SLC6A5: variants seen among roughly 807,000 people sequenced by gnomAD.
SLC6A5 encodes sodium- and chloride-dependent glycine transporter 2.
In SLC6A5, 58 loss-of-function variants were observed where a neutral mutation model predicts 90.5. The observed-to-expected ratio is 0.64, with a 90% CI of 0.52 to 0.80. The LOEUF (loss-of-function observed/expected upper bound fraction) is 0.80. Ranked by LOEUF, SLC6A5 falls within the 30% of genes least tolerant of loss-of-function variation. SLC6A5 has a pLI of 0.00. For missense variants in SLC6A5, 1,015 were observed against 1,017.6 expected (o/e 1.00, Z 0.03); for synonymous variants, 427 against 401.4 (o/e 1.06, Z -0.76).
intron 3 of SLC6A5, among the ~76,000 whole-genome samples, chr11:20,606,150 A>G (rs1166583866): frequency 6.6e-6 from 1 of 152,196 alleles, no homozygotes; most frequent in Non-Finnish European, 1.5e-5. Context: ...TCCCTCCCAA[A>G]CAACCTCAAA....
At chr11:20,615,185 A>C (rs1852762064) in intron 6 of SLC6A5, among the ~76,000 whole-genome samples, 1 of 152,140 alleles carries the variant, frequency 6.6e-6, no homozygotes, top group Non-Finnish European at 1.5e-5. Flanking sequence ...TCATGTTCAG[A>C]GCTTTAGTGT....
rs182646888 is a variant in SLC6A5, at chr11:20,615,577, C to T, written c.1127+757C>T. On this transcript the variant is annotated intron_variant, in intron 6 of 15. Coordinates refer to ENST00000525748, the MANE Select transcript of SLC6A5 (RefSeq NM_004211.5). Reference sequence around the variant, plus strand: ...AGAGACGGGGTTTCACCGTGTTAGCCAGGATGGCCTCGATATCCTGACCTT... The same window carrying T: ...AGAGACGGGGTTTCACCGTGTTAGCTAGGATGGCCTCGATATCCTGACCTT... 4.8e-3 allele frequency among the ~76,000 whole-genome samples: 734 copies of T among 152,240 alleles called. 4 individuals carry two copies. Among genetic ancestry groups the T allele is most frequent in the African/African-American group, 0.017 (690 of 41,530 alleles).
chr11:20,643,485 G>A (rs1853353030), intron 13 of SLC6A5, among the ~76,000 whole-genome samples: 1 of 152,176 alleles, frequency 6.6e-6, no homozygotes, highest in Non-Finnish European at 1.5e-5. Flanking sequence ...GAGTGTCCTT[G>A]CGTCATGGAT....
intron 7 of SLC6A5, 100 bp downstream of exon 7, chr11:20,617,984 A>G: frequency 2.4e-6 from 3 of 1,237,898 alleles, no homozygotes; most frequent in South Asian, 1.2e-5. Flanking sequence ...GGAGCTGTGG[A>G]TGCTAATTCT....
intron 5 of SLC6A5, among the ~76,000 whole-genome samples, chr11:20,608,958 C>CTCTCTCTCTCTGTG (rs368771053): frequency 2.7e-5 from 3 of 110,860 alleles, no homozygotes; most frequent in African/African-American, 9.4e-5. Flanking sequence ...CTCTCTCTCT[C>CTCTCTCTCTCTGTG]TGTGTGTGTG....
intron 14 of SLC6A5, among the ~76,000 whole-genome samples, chr11:20,647,873 A>G (rs1171344843): frequency 6.6e-6 from 1 of 152,164 alleles, no homozygotes; most frequent in Non-Finnish European, 1.5e-5. Flanking sequence ...GCTAATTTTC[A>G]TTGCTTTTGA....
chr11:20,604,517 G>A (rs1474172456), intron 3 of SLC6A5, 93 bp downstream of exon 3: 7 of 1,513,564 alleles, frequency 4.6e-6, no homozygotes, highest in African/African-American at 2.7e-5. Context: ...GCCGCCGGGC[G>A]GGGAGGCTCA....
At position 20,645,328 on chromosome 11, in the gene SLC6A5, G is replaced by A. The variant is rs554418739; in HGVS notation, c.1970-1506G>A. On this transcript the variant is annotated intron_variant, in intron 13 of 15. Coordinates refer to ENST00000525748, the MANE Select transcript of SLC6A5 (RefSeq NM_004211.5). ...GTGGTGGGGGACACTGATCAGATGA[G>A]GGCAGCTAGTACAGGTGGTGTCCAG... 2.0e-5 allele frequency among the ~76,000 whole-genome samples: 3 copies of A among 152,202 alleles called. No individual in the cohort carries two copies. In the South Asian group the frequency reaches 6.2e-4, roughly 32 times the overall value.
intron 7 of SLC6A5, among the ~76,000 whole-genome samples, chr11:20,625,513 T>G (rs1852976599): frequency 6.6e-6 from 1 of 152,084 alleles, no homozygotes. Flanking sequence ...CTGCCCGCCT[T>G]GACCTCCCAA....
At chr11:20,614,909 A>C in intron 6 of SLC6A5, 89 bp downstream of exon 6, 2 of 1,270,372 alleles carry the variant, frequency 1.6e-6, no homozygotes, top group Non-Finnish European at 1.2e-6. Context: ...AGGTGTGGGT[A>C]GCCCAAGGGA....
rs150652189 is a variant in SLC6A5, at chr11:20,645,635, GTTTTTT to G, written c.1970-1183_1970-1178del. ...ATGGAGGATGAAGGAATGATGAAGT[GTTTTTT>G]TTTTTTTTTTTTTTTGAGATAGAGT... On this transcript the variant is annotated intron_variant, in intron 13 of 15. Transcript: ENST00000525748. Among the ~76,000 whole-genome samples, 10 of 94,708 alleles carry G rather than the reference GTTTTTT, an allele frequency of 1.1e-4. No homozygotes were observed. The South Asian group carries it at 2.0e-3, about 19-fold the overall frequency. 62.1% of individuals were successfully genotyped at this position (94,708 alleles called of 152,430 possible). A position where few individuals can be genotyped will look rare whatever the true frequency, so the allele number is the denominator to read the frequency against.
At position 20,601,059 on chromosome 11, in the gene SLC6A5, A is replaced by G. The variant is rs72944437; in HGVS notation, c.4-70A>G. On this transcript the variant is annotated intron_variant, in intron 1 of 15. Transcript: ENST00000525748. ...CTGGACCTGAGTTGCGAACGTCTCC[A>G]TATCTAGATACAGGTATTTTAAAAG... The G allele has an allele frequency of 0.1, 148,299 of 1,479,216 alleles. 8,076 individuals carry two copies. Among genetic ancestry groups the G allele is most frequent in the African/African-American group, 0.17 (11,712 of 70,816 alleles). 91.6% of individuals were successfully genotyped at this position (1,479,216 alleles called of 1,614,324 possible).
At chr11:20,644,662 T>C (rs2133816994) in intron 13 of SLC6A5, among the ~76,000 whole-genome samples, 1 of 152,344 alleles carries the variant, frequency 6.6e-6, no homozygotes, top group South Asian at 2.1e-4. Flanking sequence ...GTGACTGTAC[T>C]AATTTACATT....
intron 10 of SLC6A5, among the ~76,000 whole-genome samples, chr11:20,633,766 G>A (rs1182459762): frequency 6.6e-6 from 1 of 152,188 alleles, no homozygotes; most frequent in African/African-American, 2.4e-5. Context: ...GCTCTATAAA[G>A]GTAGGTACTA....
chr11:20,654,668 G>A (rs150292804), intron 15 of SLC6A5, 45 bp from the exon 16 acceptor site: 2 of 1,606,582 alleles, frequency 1.2e-6, no homozygotes, highest in African/African-American at 1.3e-5. Flanking sequence ...AGGTGAGGAA[G>A]GTGCACTACT....
At chr11:20,651,557 G>A (rs1853532616) in intron 14 of SLC6A5, among the ~76,000 whole-genome samples, 1 of 151,470 alleles carries the variant, frequency 6.6e-6, no homozygotes, top group Non-Finnish European at 1.5e-5. Context: ...ACAGGCATGA[G>A]CCACTGCGCC....
rs750129443 is a variant in SLC6A5, at chr11:20,638,452, C to T, written c.1870-7C>T. Reference sequence around the variant, plus strand: ...ATTTGATATTGGTTGTTTCTCTCTCCTGTTAGGGTGGAATTTACATGTTTC... The same window carrying T: ...ATTTGATATTGGTTGTTTCTCTCTCTTGTTAGGGTGGAATTTACATGTTTC... On this transcript the variant is annotated splice_region_variant and splice_polypyrimidine_tract_variant and intron_variant, in intron 12 of 15. Transcript: ENST00000525748. 1.9e-6 allele frequency: 3 copies of T among 1,582,000 alleles called. No individual in the cohort carries two copies. The highest frequency in any genetic ancestry group is 2.6e-6 in the Non-Finnish European group (3 of 1,150,896).
At chr11:20,642,201 G>C (rs1296759867) in intron 13 of SLC6A5, among the ~76,000 whole-genome samples, 5 of 144,058 alleles carry the variant, frequency 3.5e-5, no homozygotes, top group South Asian at 2.6e-4. Context: ...TCTGAGCACA[G>C]AGATCTGTGT....
At chr11:20,633,711 G>T (rs1443553885) in intron 10 of SLC6A5, among the ~76,000 whole-genome samples, 2 of 152,184 alleles carry the variant, frequency 1.3e-5, no homozygotes, top group African/African-American at 4.8e-5. Context: ...TCCAGGCATT[G>T]TTCTAAGCCT....
Sources: allele counts gnomAD v4.1 joint callset (sites outside exome capture counted in the v4.1 genomes callset), GRCh38; gene constraint gnomAD v4.1.1; transcripts MANE v1.5; gene names NCBI Gene and HGNC (gene_info 2026-07-23, HGNC 2026-07-21).